SNRPD3: variants seen among roughly 807,000 people sequenced by gnomAD.
SNRPD3 encodes small nuclear ribonucleoprotein Sm D3.
For synonymous variants in SNRPD3, 66 were observed against 58.4 expected (o/e 1.13, Z -0.59); for missense variants, 73 against 167.5 (o/e 0.44, Z 3.11).
At chr22:24,557,885 A>C in intron 2 of SNRPD3, 85 bp downstream of exon 2, 1 of 1,382,172 alleles carries the variant, frequency 7.2e-7, no homozygotes, top group Non-Finnish European at 9.8e-7. Context: ...GGGTCTCTGG[A>C]AATTGTTCTC....
chr22:24,567,939 T>C, intron 2 of SNRPD3, 45 bp from the exon 3 acceptor site: 1 of 1,488,608 alleles, frequency 6.7e-7, no homozygotes, highest in Non-Finnish European at 9.2e-7. Context: ...TCCCCACCGC[T>C]GGTGCTGTTG....
At position 24,568,021 on chromosome 22, in the gene SNRPD3, T is replaced by A; in HGVS notation, c.164T>A (p.Val55Glu). The change falls in exon 3 of 4, where the codon GTG becomes GAG. Residue 55 changes from valine (V) to glutamate (E), a missense_variant. Val to Glu is a moderately radical substitution (Grantham distance 121). Coordinates refer to ENST00000215829, the MANE Select transcript of SNRPD3 (RefSeq NM_004175.5). Reference protein sequence around the residue: ...NITVTYRDGRVAQLEQVYIRG... With the variant: ...NITVTYRDGREAQLEQVYIRG... The stretch of plus-strand genomic sequence containing the variant: ...ACAGTCACATACAGAGATGGCCGAG[T>A]GGCACAGCTGGAGCAGGTATACATC... The A allele has an allele frequency of 6.2e-7, 1 of 1,611,414 alleles. No individual in the cohort carries two copies. Among genetic ancestry groups the A allele is most frequent in the Non-Finnish European group, 8.5e-7 (1 of 1,179,022 alleles).
rs2045276740 is a variant in SNRPD3, at chr22:24,574,821, A to G, written c.*2844A>G. On this transcript the variant is annotated 3_prime_UTR_variant, in exon 4 of 4. Coordinates refer to ENST00000215829, the MANE Select transcript of SNRPD3 (RefSeq NM_004175.5). ...CCTGCTGGGATTATAGGTGTGAGCC[A>G]CTGCACCCGGCCACCATTATCTTTT... 6.6e-6 allele frequency among the ~76,000 whole-genome samples: 1 copy of G among 152,202 alleles called. No homozygotes were observed. The highest frequency in any genetic ancestry group is 2.4e-5 in the African/African-American group (1 of 41,434).
In SNRPD3 at chr22:24,574,017, A is replaced by C. The variant is rs1168540524; in HGVS notation, c.*2040A>C. Among the ~76,000 whole-genome samples the C allele has an allele frequency of 3.3e-5, 5 of 152,226 alleles. No homozygotes were observed. Among genetic ancestry groups the C allele is most frequent in the African/African-American group, 1.2e-4 (5 of 41,464 alleles). On this transcript the variant is annotated 3_prime_UTR_variant, in exon 4 of 4. Coordinates refer to ENST00000215829, the MANE Select transcript of SNRPD3 (RefSeq NM_004175.5). ...CAATTCCCTGGTCCCCAGATAAGTA[A>C]TTCTTAAGTATTCTATCTTAAGTAG...
intron 2 of SNRPD3, among the ~76,000 whole-genome samples, chr22:24,563,736 T>G (rs2045170155): frequency 6.6e-6 from 1 of 152,128 alleles, no homozygotes; most frequent in Non-Finnish European, 1.5e-5. Flanking sequence ...CTTTTGGGGC[T>G]TCAACATGAC....
intron 2 of SNRPD3, among the ~76,000 whole-genome samples, chr22:24,561,248 T>C (rs867654401): frequency 2.6e-5 from 4 of 151,800 alleles, no homozygotes; most frequent in South Asian, 2.1e-4. Context: ...AATTTTTAAA[T>C]TTTTTTGTAG....
In SNRPD3 at chr22:24,556,048, G is replaced by A. The variant is rs2045056405; in HGVS notation, c.-42G>A. 4.9e-6 allele frequency: 3 copies of A among 616,392 alleles called. No individual in the cohort carries two copies. Among genetic ancestry groups the A allele is most frequent in the East Asian group, 2.8e-5 (1 of 36,248 alleles). 38.2% of individuals were successfully genotyped at this position (616,392 alleles called of 1,614,324 possible). A position where few individuals can be genotyped will look rare whatever the true frequency, so the allele number is the denominator to read the frequency against. ...GTAGCATCTTTCGCAGCGGACCGAA[G>A]AGAAGAAAAGTAGGCCAGAGCCGGT... On this transcript the variant is annotated 5_prime_UTR_variant, in exon 1 of 4. Coordinates refer to ENST00000215829, the MANE Select transcript of SNRPD3 (RefSeq NM_004175.5).
At chr22:24,558,012 T>A in intron 2 of SNRPD3, 1 of 409,018 alleles carries the variant, frequency 2.4e-6, no homozygotes, top group Non-Finnish European at 4.3e-6. Context: ...ATTTGGAGGT[T>A]TGGAATATTT....
chr22:24,563,093 C>T (rs2045159073), intron 2 of SNRPD3, among the ~76,000 whole-genome samples: 1 of 152,012 alleles, frequency 6.6e-6, no homozygotes, highest in Non-Finnish European at 1.5e-5. Context: ...TATGGCCAGG[C>T]ACATTGGCTC....
chr22:24,573,799 T>C lies in SNRPD3; in HGVS notation c.*1822T>C, dbSNP rs144868220. On this transcript the variant is annotated 3_prime_UTR_variant, in exon 4 of 4. Transcript: ENST00000215829. ...TGGAGGTTGAGGCAGGACGACCACATGAGCCCAGGAGATTAAGGCTGCAGT... is the reference window on the plus strand; with the variant it reads ...TGGAGGTTGAGGCAGGACGACCACACGAGCCCAGGAGATTAAGGCTGCAGT... 4.1e-4 allele frequency among the ~76,000 whole-genome samples: 63 copies of C among 152,300 alleles called. No homozygotes were observed. Among genetic ancestry groups the C allele is most frequent in the African/African-American group, 1.4e-3 (60 of 41,566 alleles).
intron 3 of SNRPD3, among the ~76,000 whole-genome samples, chr22:24,569,919 G>A (rs2045233804): frequency 6.6e-6 from 1 of 152,252 alleles, no homozygotes; most frequent in South Asian, 2.1e-4. Context: ...ACATGGATGA[G>A]TTCTTGTTCA....
At chr22:24,569,075 A>C in intron 3 of SNRPD3, among the ~76,000 whole-genome samples, 1 of 152,030 alleles carries the variant, frequency 6.6e-6, no homozygotes, top group Non-Finnish European at 1.5e-5. Context: ...TAGTTTGCCG[A>C]GCAGACACAG....
intron 2 of SNRPD3, among the ~76,000 whole-genome samples, chr22:24,565,132 AC>A (rs891772011): frequency 1.3e-5 from 2 of 151,746 alleles, no homozygotes; most frequent in African/African-American, 4.8e-5. Flanking sequence ...CAGTCCTCCC[AC>A]CTTGGCCTCC....
chr22:24,557,258 A>T (rs1402991070), intron 1 of SNRPD3, among the ~76,000 whole-genome samples: 1 of 152,212 alleles, frequency 6.6e-6, no homozygotes, highest in African/African-American at 2.4e-5. Flanking sequence ...CTCAAAACGT[A>T]ATCATCTACA....
chr22:24,559,102 G>C (rs1012033309), intron 2 of SNRPD3, among the ~76,000 whole-genome samples: 2 of 152,144 alleles, frequency 1.3e-5, no homozygotes, highest in African/African-American at 2.4e-5. Context: ...CTTTTTTCCA[G>C]ATGAGAAGGT....
intron 2 of SNRPD3, among the ~76,000 whole-genome samples, chr22:24,566,033 G>A (rs1359351281): frequency 6.6e-6 from 1 of 152,132 alleles, no homozygotes; most frequent in East Asian, 1.9e-4. Flanking sequence ...CATAAACCTG[G>A]CGTTCATTTG....
In SNRPD3 at chr22:24,562,559, T is replaced by C. The variant is rs568260950; in HGVS notation, c.126+4759T>C. Among the ~76,000 whole-genome samples the C allele has an allele frequency of 2.0e-5, 3 of 151,812 alleles. No individual in the cohort carries two copies. In the South Asian group the frequency reaches 6.2e-4, roughly 32 times the overall value. On this transcript the variant is annotated intron_variant, in intron 2 of 3. Transcript: ENST00000215829. Reference sequence around the variant, plus strand: ...ACTCCATCTCCAAAAATAAAAAATATATTATCTGGATGTGATGGCTTATGC... The same window carrying C: ...ACTCCATCTCCAAAAATAAAAAATACATTATCTGGATGTGATGGCTTATGC...
At chr22:24,555,685 C>G (rs1359028698), upstream of SNRPD3, 16 of 1,550,536 alleles carry the variant, frequency 1.0e-5, no homozygotes, top group Non-Finnish European at 1.4e-5. Flanking sequence ...CTCCTGCTGT[C>G]CCCGGTCTGA....
intron 3 of SNRPD3, among the ~76,000 whole-genome samples, chr22:24,568,702 A>AC (rs1344076829): frequency 6.9e-6 from 1 of 145,120 alleles, no homozygotes; most frequent in Non-Finnish European, 1.6e-5. Context: ...GATTACAGGC[A>AC]CCCGCCACTG....
Sources: allele counts gnomAD v4.1 joint callset (sites outside exome capture counted in the v4.1 genomes callset), GRCh38; gene constraint gnomAD v4.1.1; transcripts MANE v1.5; gene names NCBI Gene and HGNC (gene_info 2026-07-23, HGNC 2026-07-21).